Variants in CR1L observed in about 807,000 individuals in gnomAD.
The protein encoded by CR1L is complement component receptor 1-like protein.
Under a neutral mutation model 62.3 loss-of-function variants are expected in CR1L, and 59 were observed. That is an observed-to-expected ratio of 0.95 (90% CI 0.77 to 1.18). The LOEUF is 1.18. Ranked by LOEUF, CR1L falls within the 50% of genes most tolerant of loss-of-function variation. The pLI, the probability that CR1L is intolerant of heterozygous loss-of-function variation, is 0.00. For synonymous variants in CR1L, 279 were observed against 248.7 expected, an observed-to-expected ratio of 1.12 and a Z score of -1.15; for missense variants, 700 against 702.8, an observed-to-expected ratio of 1.00 and a Z score of 0.04.
intron 9 of CR1L, among the ~76,000 whole-genome samples, chr1:207,703,334 A>G (rs1410143214): frequency 6.6e-5 from 10 of 152,180 alleles, no homozygotes; most frequent in African/African-American, 2.2e-4. Flanking sequence ...AGTTGAAGCC[A>G]ATGCTCACTG....
chr1:207,687,436 T>C (rs1228217411), intron 4 of CR1L, among the ~76,000 whole-genome samples: 2 of 152,204 alleles, frequency 1.3e-5, no homozygotes, highest in African/African-American at 4.8e-5. Context: ...ACAAATTAAA[T>C]GCACCCATGT....
intron 1 of CR1L, among the ~76,000 whole-genome samples, chr1:207,651,256 G>T (rs2102439015): frequency 6.7e-6 from 1 of 148,898 alleles, no homozygotes; most frequent in Non-Finnish European, 1.5e-5. Context: ...TTTTTCTGGG[G>T]GTAGGCATGT....
intron 10 of CR1L, 38 bp from the exon 11 acceptor site, chr1:207,717,426 A>G (rs1250501964): frequency 1.1e-5 from 17 of 1,596,202 alleles, no homozygotes; most frequent in African/African-American, 4.0e-5. Context: ...CTTAAGTGAA[A>G]CTCTAATAGA....
rs771389688 is a variant in CR1L at position 207,656,672 on chromosome 1, C to CAGG, written c.97+11345_97+11347dup. ...AGCAAGGTGTCTCACATGGCAGGAG[C>CAGG]AGGAGCAAGGTGGGGAGGACGGGAG... On this transcript the variant is annotated intron_variant, in intron 1 of 11. Transcript: ENST00000508064. Among the ~76,000 whole-genome samples the CAGG allele has an allele frequency of 3.2e-4, 49 of 152,232 alleles. 1 individual carries two copies. Among genetic ancestry groups the CAGG allele is most frequent in the South Asian group, 2.1e-4 (1 of 4,822 alleles).
chr1:207,681,334 C>G (rs934697230), intron 3 of CR1L, among the ~76,000 whole-genome samples: 3 of 152,134 alleles, frequency 2.0e-5, no homozygotes, highest in African/African-American at 7.2e-5. Flanking sequence ...CCACAACTCT[C>G]TCTTCCCCAG....
At chr1:207,671,142 G>C (rs1663609580) in intron 1 of CR1L, among the ~76,000 whole-genome samples, 1 of 150,988 alleles carries the variant, frequency 6.6e-6, no homozygotes, top group Admixed American at 6.6e-5. Context: ...GTGTCCACGT[G>C]TATAAAATGA....
At chr1:207,646,710 CAAAAAA>C (rs34443417) in intron 1 of CR1L, among the ~76,000 whole-genome samples, 5 of 64,720 alleles carry the variant, frequency 7.7e-5, no homozygotes, top group African/African-American at 1.5e-4. Flanking sequence ...GACCCTGTCT[CAAAAAA>C]AAAAAAAAAA....
At chr1:207,718,578 C>T (rs535171815) in intron 11 of CR1L, among the ~76,000 whole-genome samples, 3 of 152,128 alleles carry the variant, frequency 2.0e-5, no homozygotes, top group African/African-American at 7.2e-5. Flanking sequence ...CCCACCACCA[C>T]ACCTGGCTAA....
intron 8 of CR1L, among the ~76,000 whole-genome samples, chr1:207,699,676 C>T (rs1664161843): frequency 6.6e-6 from 1 of 151,962 alleles, no homozygotes; most frequent in African/African-American, 2.4e-5. Flanking sequence ...AATCAATGTG[C>T]AGTCAGTCTA....
chr1:207,645,825 G>A (rs1219147979), intron 1 of CR1L, among the ~76,000 whole-genome samples: 1 of 152,148 alleles, frequency 6.6e-6, no homozygotes, highest in Non-Finnish European at 1.5e-5. Flanking sequence ...TGCCCCATGG[G>A]CTGGGCTGGC....
chr1:207,706,631 T>C (rs61823004), intron 9 of CR1L, among the ~76,000 whole-genome samples: 2,415 of 152,196 alleles, frequency 0.016, 35 homozygotes, highest in Non-Finnish European at 0.023. Flanking sequence ...TGACACCACA[T>C]TGATTCTACA....
chr1:207,675,704 AAAAC>A (rs995000342), intron 1 of CR1L, among the ~76,000 whole-genome samples: 83 of 152,366 alleles, frequency 5.4e-4, no homozygotes, highest in African/African-American at 1.8e-3. Flanking sequence ...AAATGAAAAC[AAAAC>A]AAACAAGATA....
chr1:207,678,463 C>A (rs537080978), intron 3 of CR1L, among the ~76,000 whole-genome samples, 166 bp downstream of exon 3: 123 of 152,212 alleles, frequency 8.1e-4, no homozygotes, highest in Non-Finnish European at 1.4e-3. Flanking sequence ...AAAGGTATGA[C>A]AAGATCAGGG....
rs765684098 is a variant in CR1L at position 207,694,533 on chromosome 1, G to T, written c.644G>T (p.Gly215Val). The T allele has an allele frequency of 1.6e-5, 26 of 1,612,980 alleles. No homozygotes were observed. Among genetic ancestry groups the T allele is most frequent in the Non-Finnish European group, 1.8e-5 (21 of 1,179,830 alleles). Reference protein sequence around the residue: ...IYCTSKDDQVGIWSGPAPQCI... With the variant: ...IYCTSKDDQVVIWSGPAPQCI... ...TGCACCAGCAAAGATGATCAAGTGG[G>T]CATCTGGAGTGGCCCAGCCCCTCAG... The change falls in exon 5 of 12, where the codon GGC (glycine) becomes GTC (valine). Residue 215 changes from glycine to valine, a missense_variant. Transcript: ENST00000508064.
intron 7 of CR1L, among the ~76,000 whole-genome samples, 178 bp downstream of exon 7, chr1:207,698,051 G>A (rs1022252344): frequency 5.6e-4 from 85 of 151,964 alleles, no homozygotes; most frequent in African/African-American, 2.0e-3. Context: ...AGACACATAT[G>A]GAACTAATAA....
chr1:207,673,922 C>T (rs534630662), intron 1 of CR1L, among the ~76,000 whole-genome samples: 4 of 152,194 alleles, frequency 2.6e-5, no homozygotes, highest in African/African-American at 9.6e-5. Context: ...TCCAAATGTC[C>T]CTCAACAAGT....
chr1:207,693,087 T>C (rs955309009), intron 4 of CR1L, among the ~76,000 whole-genome samples: 52 of 152,330 alleles, frequency 3.4e-4, no homozygotes, highest in African/African-American at 1.2e-3. Context: ...CACTTTAAAA[T>C]AGATTTTTTA....
chr1:207,662,292 C>T (rs575645556), intron 1 of CR1L, among the ~76,000 whole-genome samples: 5 of 152,208 alleles, frequency 3.3e-5, no homozygotes, highest in South Asian at 2.1e-4. Flanking sequence ...ACCAATCAGA[C>T]GTAGATTTGG....
intron 11 of CR1L, among the ~76,000 whole-genome samples, chr1:207,720,518 TA>T (rs1654111193): frequency 6.6e-6 from 1 of 152,054 alleles, no homozygotes; most frequent in Non-Finnish European, 1.5e-5. Flanking sequence ...AACCTTTGAG[TA>T]CTAGCATCAG....
Sources: gnomAD v4.1 joint callset for allele counts (sites outside exome capture counted in the v4.1 genomes callset) on GRCh38, gnomAD v4.1.1 for gene constraint, MANE v1.5 for transcripts, NCBI Gene and HGNC (gene_info 2026-07-23, HGNC 2026-07-21) for gene names.